OTOG: variants seen among roughly 807,000 people sequenced by gnomAD.
The protein encoded by OTOG is otogelin.
In OTOG, 296 loss-of-function variants were observed where a neutral mutation model predicts 313.8. The ratio of observed to expected loss-of-function variants is 0.94; its 90% CI spans 0.86 to 1.04. OTOG has a LOEUF of 1.04. Ranked by LOEUF, OTOG falls within the 50% of genes least tolerant of loss-of-function variation. OTOG has a pLI of 0.00. For missense variants in OTOG, 3,948 were observed against 3,840.1 expected (o/e 1.03, Z -0.74); for synonymous variants, 1,533 against 1,554.9 (o/e 0.99, Z 0.33).
At chr11:17,577,421 G>A (rs1271660872) in intron 22 of OTOG, among the ~76,000 whole-genome samples, 1 of 152,216 alleles carries the variant, frequency 6.6e-6, no homozygotes, top group African/African-American at 2.4e-5. Context: ...GGTGGAGTAG[G>A]GCCTGGGGGC....
At chr11:17,629,415 A>G (rs1317792733) in intron 40 of OTOG, 99 bp downstream of exon 40, 2 of 1,327,800 alleles carry the variant, frequency 1.5e-6, no homozygotes, top group Non-Finnish European at 2.0e-6. Context: ...GGGACAGAAT[A>G]CCAGGCCAGA....
At chr11:17,638,573 T>G (rs1032946475) in intron 48 of OTOG, 24 bp downstream of exon 48, 1 of 1,545,220 alleles carries the variant, frequency 6.5e-7, no homozygotes. Context: ...CAGGACAGCC[T>G]CCCCGCTGGG....
At chr11:17,645,221 T>G (rs962185937) in intron 54 of OTOG, among the ~76,000 whole-genome samples, 1 of 152,154 alleles carries the variant, frequency 6.6e-6, no homozygotes, top group South Asian at 2.1e-4. Context: ...AAGGGTAAAG[T>G]GGCCAACACA....
At position 17,569,201 on chromosome 11, in the gene OTOG, C is replaced by T; in HGVS notation, c.1690C>T (p.Gln564Ter). 1 of 1,550,642 alleles carries T rather than the reference C, an allele frequency of 6.4e-7. No homozygotes were observed. The highest frequency in any genetic ancestry group is 1.2e-5 in the South Asian group (1 of 84,058). Residue 564 changes from glutamine (Q) to a stop codon, truncating the protein, a stop_gained, in exon 16 of 56, where the codon CAG becomes TAG. Transcript: ENST00000399397. LOFTEE classifies it high-confidence loss of function. ...CVQSVSVILH[Q>*]DPRRQVTLTQ... ...CCAGTCAGTGTCAGTGATTCTGCAC[C>T]AGGACCCTCGGAGGCAGGTGACCCT...
intron 23 of OTOG, among the ~76,000 whole-genome samples, chr11:17,583,567 A>C (rs947282051): frequency 6.6e-6 from 1 of 152,126 alleles, no homozygotes; most frequent in African/African-American, 2.4e-5. Context: ...CCTATTTTTT[A>C]AAAAACACTT....
intron 22 of OTOG, chr11:17,578,118 C>A: frequency 2.1e-6 from 1 of 486,422 alleles, no homozygotes; most frequent in Non-Finnish European, 3.1e-6. Context: ...GCAGGGGAAG[C>A]ACCTGGAGTA....
chr11:17,548,123 C>T (rs778936250), intron 2 of OTOG, 29 bp from the exon 3 acceptor site: 6 of 1,539,956 alleles, frequency 3.9e-6, no homozygotes, highest in Non-Finnish European at 4.4e-6. Context: ...CCTAGCCCCC[C>T]ATCCATGCCA....
At chr11:17,558,098 G>A in intron 8 of OTOG, 87 bp from the exon 9 acceptor site, 1 of 1,468,824 alleles carries the variant, frequency 6.8e-7, no homozygotes, top group Non-Finnish European at 9.2e-7. Flanking sequence ...CCCATCCCTT[G>A]GGATCCGCTT....
chr11:17,639,648 A>T (rs573206076), intron 49 of OTOG, among the ~76,000 whole-genome samples, 185 bp downstream of exon 49: 2 of 152,346 alleles, frequency 1.3e-5, no homozygotes, highest in Non-Finnish European at 2.9e-5. Context: ...TAAAGTGGAC[A>T]TAATCATGCT....
At chr11:17,642,011 G>A in intron 52 of OTOG, 60 bp downstream of exon 52, 1 of 1,532,368 alleles carries the variant, frequency 6.5e-7, no homozygotes, top group South Asian at 1.2e-5. Context: ...ACCAGGACTA[G>A]GGCCCTCTCT....
At chr11:17,566,428 A>C (rs1028109762) in intron 15 of OTOG, among the ~76,000 whole-genome samples, 2 of 152,208 alleles carry the variant, frequency 1.3e-5, no homozygotes, top group Non-Finnish European at 2.9e-5. Context: ...GAACCCCTGG[A>C]TATGGAGAGC....
rs562718863 is a variant in OTOG at position 17,554,343 on chromosome 11, G to A, written c.540+824G>A. ...GTGAGCTTCCTAGGCCAGGGGTCATGTCTCTCTCTTTGACAGTGCCTGGAT... is the reference window on the plus strand; with the variant it reads ...GTGAGCTTCCTAGGCCAGGGGTCATATCTCTCTCTTTGACAGTGCCTGGAT... On this transcript the variant is annotated intron_variant, in intron 6 of 55. Transcript: ENST00000399397. Among the ~76,000 whole-genome samples, 9 of 152,330 alleles carry A rather than the reference G, an allele frequency of 5.9e-5. No individual in the cohort carries two copies. In the South Asian group the frequency reaches 1.7e-3, roughly 28 times the overall value.
At chr11:17,548,027 C>G in intron 2 of OTOG, 40 bp downstream of exon 2, 2 of 1,075,568 alleles carry the variant, frequency 1.9e-6, no homozygotes, top group Non-Finnish European at 2.6e-6. Context: ...CCCACAGCTC[C>G]CATCCGTATT....
intron 20 of OTOG, among the ~76,000 whole-genome samples, chr11:17,575,461 G>A (rs1343422492): frequency 6.6e-6 from 1 of 152,196 alleles, no homozygotes; most frequent in Non-Finnish European, 1.5e-5. Context: ...GGTCTGAGCA[G>A]AGACCTGAGG....
intron 36 of OTOG, 22 bp from the exon 37 acceptor site, chr11:17,612,140 A>T: frequency 6.5e-7 from 1 of 1,548,402 alleles, no homozygotes; most frequent in Non-Finnish European, 8.7e-7. Flanking sequence ...GGTCACTCAC[A>T]CTTCCTCCAC....
rs182620196 is a variant in OTOG at position 17,642,357 on chromosome 11, C to T, written c.8415+111C>T. ...GTGCAGGAAGAAGGGCTCCCTGGAGCCTGTGCCTGCACTGCCACCCCAAAT... is the reference window on the plus strand; with the variant it reads ...GTGCAGGAAGAAGGGCTCCCTGGAGTCTGTGCCTGCACTGCCACCCCAAAT... On this transcript the variant is annotated intron_variant, in intron 53 of 55. Transcript: ENST00000399397. 1,392 of 1,369,622 alleles carry T rather than the reference C, an allele frequency of 1.0e-3. 7 individuals carry two copies. In the African/African-American group the frequency reaches 0.014, roughly 14 times the overall value. 84.8% of individuals were successfully genotyped at this position (1,369,622 alleles called of 1,614,324 possible).
At position 17,634,847 on chromosome 11, in the gene OTOG, G is replaced by A. The variant is rs1213507205; in HGVS notation, c.7484G>A (p.Cys2495Tyr). The A allele has an allele frequency of 6.5e-7, 1 of 1,549,138 alleles. No individual in the cohort carries two copies. Among genetic ancestry groups the A allele is most frequent in the South Asian group, 1.2e-5 (1 of 83,994 alleles). Reference sequence around the variant, plus strand: ...GCCCTGTGGTCCCCGGGGCCAGTGTGTAACCAGACTCTGTGTGAGGGTCTC... The same window carrying A: ...GCCCTGTGGTCCCCGGGGCCAGTGTATAACCAGACTCTGTGTGAGGGTCTC... Reference protein sequence around the residue: ...DPCCLGTVCVCNQTLCEGLAP... With the variant: ...DPCCLGTVCVYNQTLCEGLAP... Residue 2495 changes from cysteine (C) to tyrosine (Y), a missense_variant, in exon 45 of 56, where the codon TGT becomes TAT. By Grantham distance (194) the Cys-to-Tyr change is radical. Transcript: ENST00000399397.
At chr11:17,642,594 C>T (rs1177241325) in intron 53 of OTOG, among the ~76,000 whole-genome samples, 1 of 152,162 alleles carries the variant, frequency 6.6e-6, no homozygotes, top group African/African-American at 2.4e-5. Flanking sequence ...CACGCGTCAT[C>T]ACACCTCAAG....
intron 24 of OTOG, among the ~76,000 whole-genome samples, chr11:17,587,189 G>T (rs574216726): frequency 1.3e-5 from 2 of 152,192 alleles, no homozygotes; most frequent in Non-Finnish European, 2.9e-5. Context: ...ATGAAAGTAC[G>T]TGTGAGGGTA....
Sources: gnomAD v4.1 joint callset for allele counts (sites outside exome capture counted in the v4.1 genomes callset) on GRCh38, gnomAD v4.1.1 for gene constraint, MANE v1.5 for transcripts, NCBI Gene and HGNC (gene_info 2026-07-23, HGNC 2026-07-21) for gene names.